Variants in AGAP1 observed in about 807,000 individuals in gnomAD.
AGAP1 encodes the protein ArfGAP with GTPase domain, ankyrin repeat and PH domain 1.
Under a neutral mutation model 105.3 loss-of-function variants are expected in AGAP1, and 29 were observed. That is an observed-to-expected ratio of 0.28 (90% confidence interval 0.21 to 0.38). The LOEUF is 0.38. AGAP1 is among the 10% of genes least tolerant of loss of function. The pLI is 1.00. For synonymous variants in AGAP1, 509 were observed against 485.9 expected (o/e 1.05, Z -0.63); for missense variants, 998 against 1,165.1 (o/e 0.86, Z 2.09).
intron 6 of AGAP1, among the ~76,000 whole-genome samples, chr2:235,784,978 T>C (rs1011431150): frequency 3.3e-5 from 5 of 152,196 alleles, no homozygotes; most frequent in Non-Finnish European, 7.4e-5. Flanking sequence ...TTCTTCCTAA[T>C]TGCATCACAA....
rs1446186733 is a variant in AGAP1 at position 235,615,940 on chromosome 2, T to C, written c.164-93239T>C. 1.3e-5 allele frequency among the ~76,000 whole-genome samples: 2 copies of C among 152,002 alleles called. No individual in the cohort carries two copies. The highest frequency in any genetic ancestry group is 3.8e-4 in the East Asian group (2 of 5,196). ...GTCTTCTATATGTAAAGAGTTCTTA[T>C]AAAACAATAAGAAAAATATTTCCTA... On this transcript the variant is annotated intron_variant, in intron 1 of 17. Coordinates refer to ENST00000304032, the MANE Select transcript of AGAP1 (RefSeq NM_001037131.3). The surrounding 1 kb of genome is among the most constrained non-coding windows in gnomAD (Gnocchi z 5.0).
chr2:235,671,359 C>G (rs1948414308), intron 1 of AGAP1, among the ~76,000 whole-genome samples: 1 of 152,192 alleles, frequency 6.6e-6, no homozygotes, highest in African/African-American at 2.4e-5. Context: ...CTCGCTGGGT[C>G]TTCTGCGGGA....
chr2:235,529,490 C>G (rs187904279), intron 1 of AGAP1, among the ~76,000 whole-genome samples: 1 of 152,166 alleles, frequency 6.6e-6, no homozygotes, highest in Admixed American at 6.5e-5. Flanking sequence ...AGGTGCAGAT[C>G]TCTCAAGCAG....
intron 1 of AGAP1, among the ~76,000 whole-genome samples, chr2:235,496,812 A>G (rs903034740): frequency 6.6e-6 from 1 of 151,816 alleles, no homozygotes; most frequent in East Asian, 1.9e-4. Flanking sequence ...TGACAGCACG[A>G]TGCCTACCTT....
chr2:236,113,181 C>A lies in AGAP1; in HGVS notation c.2115-7011C>A, dbSNP rs2059692644. 6.6e-6 allele frequency among the ~76,000 whole-genome samples: 1 copy of A among 152,216 alleles called. No homozygotes were observed. Among genetic ancestry groups the A allele is most frequent in the Non-Finnish European group, 1.5e-5 (1 of 68,046 alleles). ...TTTGAGACGGAGTCTCGCTCTTTTG[C>A]CCAGGCTGGAGTGCAGTGGTGCAAT... is the stretch of plus-strand genomic sequence containing the variant. On this transcript the variant is annotated intron_variant, in intron 16 of 17. Transcript: ENST00000304032. This position sits in a 1 kb window ranked among gnomAD's most constrained non-coding sequence, Gnocchi z 4.3.
rs1343631408 is a variant in AGAP1 at position 235,582,776 on chromosome 2, T to A, written c.163+87927T>A. ...CATTGCTGTTAGCAGGAGTTGGCAC[T>A]TGAGTCCCACGTCCTAGCCTCCCGG... On this transcript the variant is annotated intron_variant, in intron 1 of 17. Transcript: ENST00000304032. This position sits in a 1 kb window ranked among gnomAD's most constrained non-coding sequence, Gnocchi z 4.7. Among the ~76,000 whole-genome samples, 1 of 152,244 alleles carries A rather than the reference T, an allele frequency of 6.6e-6. No homozygotes were observed. Among genetic ancestry groups the A allele is most frequent in the Non-Finnish European group, 1.5e-5 (1 of 68,046 alleles).
rs1231057972 is a variant in AGAP1 at position 235,611,353 on chromosome 2, GA to G, written c.164-97822del. On this transcript the variant is annotated intron_variant, in intron 1 of 17. Transcript: ENST00000304032. The surrounding 1 kb of genome is among the most constrained non-coding windows in gnomAD (Gnocchi z 5.0). Reference sequence around the variant, plus strand: ...TCAGGATGCTGCAACGAATATAATAGAAAATGATGTTAATATTCAAGGTCAT... The same window carrying G: ...TCAGGATGCTGCAACGAATATAATAGAAATGATGTTAATATTCAAGGTCAT... Among the ~76,000 whole-genome samples the G allele has an allele frequency of 6.6e-6, 1 of 152,168 alleles. No individual in the cohort carries two copies. Among genetic ancestry groups the G allele is most frequent in the Non-Finnish European group, 1.5e-5 (1 of 68,036 alleles).
rs536786957 is a variant in AGAP1 at position 236,063,417 on chromosome 2, G to A, written c.2114+14136G>A. ...CTCTTAACCAAAGTGAATGTGGGGTGTGGGAAAGACAAGCATCCATGTTGA... is the reference window on the plus strand; with the variant it reads ...CTCTTAACCAAAGTGAATGTGGGGTATGGGAAAGACAAGCATCCATGTTGA... On this transcript the variant is annotated intron_variant, in intron 16 of 17. Coordinates refer to ENST00000304032, the MANE Select transcript of AGAP1 (RefSeq NM_001037131.3). Among the ~76,000 whole-genome samples the A allele has an allele frequency of 3.3e-5, 5 of 152,294 alleles. No individual in the cohort carries two copies. The East Asian group carries it at 9.7e-4, about 29-fold the overall frequency.
At chr2:235,829,966 G>A (rs1480340591) in intron 9 of AGAP1, among the ~76,000 whole-genome samples, 4 of 152,158 alleles carry the variant, frequency 2.6e-5, no homozygotes, top group Admixed American at 2.0e-4. Context: ...ATCTGGACAT[G>A]GACAGTCAAA....
intron 1 of AGAP1, among the ~76,000 whole-genome samples, chr2:235,673,621 C>T (rs1253224012): frequency 6.6e-6 from 1 of 152,172 alleles, no homozygotes. Flanking sequence ...AGTAATTTGC[C>T]AGCCATTTAT....
At position 235,747,307 on chromosome 2, in the gene AGAP1, C is replaced by T. The variant is rs1953036205; in HGVS notation, c.538+2468C>T. 6.6e-6 allele frequency among the ~76,000 whole-genome samples: 1 copy of T among 152,122 alleles called. No homozygotes were observed. The highest frequency in any genetic ancestry group is 2.1e-4 in the South Asian group (1 of 4,822). On this transcript the variant is annotated intron_variant, in intron 5 of 17. Transcript: ENST00000304032. The surrounding 1 kb of genome is among the most constrained non-coding windows in gnomAD (Gnocchi z 5.0). ...TGAAGTCCTTGAGTAAAAGAAAGTA[C>T]CCCCATTTATTCCCATGAATTCCAT...
At position 235,750,494 on chromosome 2, in the gene AGAP1, T is replaced by C; in HGVS notation, c.673+6T>C. The stretch of plus-strand genomic sequence containing the variant: ...GGAGAGGGTCTTCCAGGACGGTAAA[T>C]GCGCGTGGCTGGGAGTTTAATTTCA... On this transcript the variant is annotated splice_donor_region_variant and intron_variant, in intron 6 of 17. Coordinates refer to ENST00000304032, the MANE Select transcript of AGAP1 (RefSeq NM_001037131.3). The surrounding 1 kb of genome is among the most constrained non-coding windows in gnomAD (Gnocchi z 5.3). 3 of 1,614,050 alleles carry C rather than the reference T, an allele frequency of 1.9e-6. No individual in the cohort carries two copies. The highest frequency in any genetic ancestry group is 2.5e-6 in the Non-Finnish European group (3 of 1,179,960).
chr2:235,534,943 G>T (rs1055226826), intron 1 of AGAP1, among the ~76,000 whole-genome samples: 2 of 152,168 alleles, frequency 1.3e-5, no homozygotes, highest in Admixed American at 1.3e-4. Flanking sequence ...TGTAAATAGT[G>T]TCACTCAAGC....
At position 236,058,924 on chromosome 2, in the gene AGAP1, A is replaced by G. The variant is rs143593863; in HGVS notation, c.2114+9643A>G. ...ACAGTTCTGTAGTCCCAGCTACTCA[A>G]GAGGCTCAGGCAGGAGGATTGCTTG... On this transcript the variant is annotated intron_variant, in intron 16 of 17. Coordinates refer to ENST00000304032, the MANE Select transcript of AGAP1 (RefSeq NM_001037131.3). This position sits in a 1 kb window ranked among gnomAD's most constrained non-coding sequence, Gnocchi z 4.6. Among the ~76,000 whole-genome samples, 25 of 152,298 alleles carry G rather than the reference A, an allele frequency of 1.6e-4. No individual in the cohort carries two copies. The East Asian group carries it at 3.7e-3, about 22-fold the overall frequency.
chr2:235,807,444 T>A, intron 9 of AGAP1, 113 bp downstream of exon 9: 1 of 861,212 alleles, frequency 1.2e-6, no homozygotes, highest in Non-Finnish European at 1.7e-6. Context: ...TGTTGATGAA[T>A]GTAGAAGTCT....
chr2:235,920,058 C>A (rs929371415), intron 11 of AGAP1, among the ~76,000 whole-genome samples: 1 of 152,140 alleles, frequency 6.6e-6, no homozygotes, highest in Non-Finnish European at 1.5e-5. Context: ...GAAGTGACGA[C>A]GAACCGTCTA....
intron 1 of AGAP1, among the ~76,000 whole-genome samples, chr2:235,573,374 G>A (rs75998214): frequency 1.3e-5 from 2 of 151,776 alleles, no homozygotes; most frequent in African/African-American, 2.4e-5. Flanking sequence ...CCCTGCACCC[G>A]GCTGCTGCTC....
intron 6 of AGAP1, among the ~76,000 whole-genome samples, chr2:235,766,355 T>A (rs1954951614): frequency 6.6e-6 from 1 of 152,196 alleles, no homozygotes; most frequent in Non-Finnish European, 1.5e-5. Flanking sequence ...TGAAGCACAG[T>A]GTATGCAAGT....
At chr2:236,016,538 C>T (rs1473279619) in intron 13 of AGAP1, among the ~76,000 whole-genome samples, 4 of 152,054 alleles carry the variant, frequency 2.6e-5, no homozygotes, top group African/African-American at 9.7e-5. Flanking sequence ...GCCTTGAGGG[C>T]AAATGGTTCC....
Sources: allele counts gnomAD v4.1 joint callset (sites outside exome capture counted in the v4.1 genomes callset), GRCh38; gene constraint gnomAD v4.1.1; non-coding constraint Gnocchi (gnomAD v3.1); transcripts MANE v1.5; gene names NCBI Gene and HGNC (gene_info 2026-07-23, HGNC 2026-07-21).